Variants in HDAC9 observed in about 807,000 individuals in gnomAD.
The protein encoded by HDAC9 is histone deacetylase 9, also known as MEF-2 interacting transcription repressor (MITR) protein.
HDAC9 carries 41 observed loss-of-function variants against 139.4 expected under a neutral mutation model. That is an observed-to-expected ratio of 0.29 (90% confidence interval 0.23 to 0.38). The LOEUF is 0.38. HDAC9 is among the 10% of genes least tolerant of loss of function. The pLI is 1.00. For missense variants in HDAC9, 1,147 were observed against 1,297.0 expected (o/e 0.88, Z 1.78); for synonymous variants, 517 against 476.2 (o/e 1.09, Z -1.12).
At chr7:18,626,144 AAAG>A (rs1183687547) in intron 6 of HDAC9, among the ~76,000 whole-genome samples, 1 of 152,014 alleles carries the variant, frequency 6.6e-6, no homozygotes, top group East Asian at 1.9e-4. Context: ...TCATTCCCAC[AAAG>A]AAGAGAGGGG....
At chr7:18,892,610 A>G (rs538386165) in intron 22 of HDAC9, 28 of 152,070 alleles carry the variant, frequency 1.8e-4, no homozygotes, top group Non-Finnish European at 2.9e-4. Flanking sequence ...GGAGAGCATA[A>G]CTCTTCCACT....
intron 2 of HDAC9, among the ~76,000 whole-genome samples, chr7:18,530,449 C>T (rs949792783): frequency 2.6e-5 from 4 of 152,022 alleles, no homozygotes; most frequent in African/African-American, 9.7e-5. Context: ...AAAAAATGCA[C>T]CCTTGCTAAA....
intron 25 of HDAC9, among the ~76,000 whole-genome samples, chr7:18,992,019 C>A (rs1786019913): frequency 6.6e-6 from 1 of 152,192 alleles, no homozygotes; most frequent in African/African-American, 2.4e-5. Flanking sequence ...GTATTGCTAG[C>A]ATGGGTGGAG....
intron 22 of HDAC9, among the ~76,000 whole-genome samples, chr7:18,887,110 C>G (rs953016905): frequency 6.6e-6 from 1 of 152,088 alleles, no homozygotes; most frequent in Non-Finnish European, 1.5e-5. Flanking sequence ...GGGGAATGGA[C>G]GTGCAGCTTC....
chr7:18,270,294 T>TA (rs34590978), intron 2 of HDAC9, among the ~76,000 whole-genome samples: 100,850 of 148,130 alleles, frequency 0.68, 34,871 homozygotes, highest in South Asian at 0.84. Flanking sequence ...TTGTAGAAAT[T>TA]AAACAAAAAA....
At chr7:18,212,765 G>C (rs1792036587) in intron 2 of HDAC9, among the ~76,000 whole-genome samples, 1 of 152,184 alleles carries the variant, frequency 6.6e-6, no homozygotes, top group South Asian at 2.1e-4. Flanking sequence ...TATACAACTT[G>C]TAGTCCATCT....
rs76477489 is a variant in HDAC9 at position 18,866,556 on chromosome 7, T to C, written c.2685-7922T>C. ...CCTTTCCTTCTAACCTATGACCTTT[T>C]TGAAGGCAGAGTTACAACATATTTG... On this transcript the variant is annotated intron_variant, in intron 21 of 25. Coordinates refer to ENST00000686413, the MANE Select transcript of HDAC9 (RefSeq NM_178425.4). Among the ~76,000 whole-genome samples, 687 of 152,280 alleles carry C rather than the reference T, an allele frequency of 4.5e-3. 6 individuals are homozygous for C. Among genetic ancestry groups the C allele is most frequent in the African/African-American group, 0.016 (652 of 41,544 alleles).
chr7:18,344,780 G>C (rs1445988905), intron 1 of HDAC9, among the ~76,000 whole-genome samples: 1 of 151,894 alleles, frequency 6.6e-6, no homozygotes, highest in Non-Finnish European at 1.5e-5. Context: ...GCTGTTACTG[G>C]GAATGTACTG....
chr7:18,529,920 A>G (rs1174303600), intron 2 of HDAC9, among the ~76,000 whole-genome samples: 2 of 152,164 alleles, frequency 1.3e-5, no homozygotes, highest in Admixed American at 6.5e-5. Context: ...CATAAAAACT[A>G]GATTTAATTT....
chr7:18,448,065 T>C (rs1458289181), intron 1 of HDAC9, among the ~76,000 whole-genome samples: 1 of 152,078 alleles, frequency 6.6e-6, no homozygotes, highest in Non-Finnish European at 1.5e-5. Flanking sequence ...GGTCTCCAAC[T>C]CCAACTCCAA....
chr7:18,535,977 A>C (rs1383819782), intron 2 of HDAC9, among the ~76,000 whole-genome samples: 2 of 152,156 alleles, frequency 1.3e-5, no homozygotes, highest in African/African-American at 2.4e-5. Flanking sequence ...GCCCCACTCA[A>C]ACCTCCCAGG....
intron 8 of HDAC9, among the ~76,000 whole-genome samples, chr7:18,639,469 G>GT (rs1040653462): frequency 2.0e-5 from 3 of 151,690 alleles, no homozygotes; most frequent in African/African-American, 7.3e-5. Context: ...TTTGTTTTTT[G>GT]TTTTTTGTTT....
At chr7:18,599,071 G>T (rs1200674524) in intron 6 of HDAC9, among the ~76,000 whole-genome samples, 1 of 152,240 alleles carries the variant, frequency 6.6e-6, no homozygotes, top group African/African-American at 2.4e-5. Context: ...GTAGGAGGAA[G>T]TCTGATTGAT....
At chr7:18,549,795 C>G (rs1396845322) in intron 2 of HDAC9, among the ~76,000 whole-genome samples, 2 of 151,840 alleles carry the variant, frequency 1.3e-5, no homozygotes, top group Admixed American at 6.6e-5. Context: ...CACCCACACC[C>G]ACACATACAC....
chr7:18,308,201 G>A (rs919742240), intron 1 of HDAC9, among the ~76,000 whole-genome samples: 11 of 152,126 alleles, frequency 7.2e-5, no homozygotes, highest in African/African-American at 2.2e-4. Flanking sequence ...TCCAATTTAC[G>A]AAGTTGGTTT....
At chr7:18,269,113 C>T (rs532417782) in intron 2 of HDAC9, among the ~76,000 whole-genome samples, 3 of 152,226 alleles carry the variant, frequency 2.0e-5, no homozygotes, top group African/African-American at 7.2e-5. Context: ...GTTAAGTCTT[C>T]TGGAAGTTCA....
intron 1 of HDAC9, among the ~76,000 whole-genome samples, chr7:18,095,087 G>C (rs528500178): frequency 9.2e-5 from 14 of 152,262 alleles, no homozygotes; most frequent in Admixed American, 7.2e-4. Context: ...GTTTCTATAA[G>C]TGATCATCTC....
At chr7:18,171,778 G>T (rs959859694) in intron 2 of HDAC9, among the ~76,000 whole-genome samples, 1 of 152,216 alleles carries the variant, frequency 6.6e-6, no homozygotes, top group Admixed American at 6.5e-5. Flanking sequence ...AACCAGCCTT[G>T]CATCCCAGGG....
At chr7:18,876,428 T>C (rs1243739684) in intron 22 of HDAC9, among the ~76,000 whole-genome samples, 1 of 152,152 alleles carries the variant, frequency 6.6e-6, no homozygotes, top group African/African-American at 2.4e-5. Context: ...GCAGACATAT[T>C]TTAAGTGATA....
Sources: gnomAD v4.1 joint callset for allele counts (sites outside exome capture counted in the v4.1 genomes callset) on GRCh38, gnomAD v4.1.1 for gene constraint, MANE v1.5 for transcripts, NCBI Gene and HGNC (gene_info 2026-07-23, HGNC 2026-07-21) for gene names.